The following RIMS2 variants were observed in gnomAD, a reference collection of about 807,000 sequenced individuals.
RIMS2 encodes the protein regulating synaptic membrane exocytosis 2.
Under a neutral mutation model 174.4 loss-of-function variants are expected in RIMS2, and 59 were observed. The ratio of observed to expected loss-of-function variants is 0.34; its 90% confidence interval spans 0.27 to 0.42. The LOEUF (loss-of-function observed/expected upper bound fraction) is 0.42. Ranked by LOEUF, RIMS2 falls within the 10% of genes least tolerant of loss-of-function variation. The pLI is 1.00. For missense variants in RIMS2, 1,620 were observed against 1,666.3 expected (o/e 0.97, Z 0.48); for synonymous variants, 606 against 572.5 (o/e 1.06, Z -0.84).
intron 19 of RIMS2, among the ~76,000 whole-genome samples, chr8:104,192,387 TAAC>T (rs1361304876): frequency 6.6e-6 from 1 of 152,180 alleles, no homozygotes; most frequent in Non-Finnish European, 1.5e-5. Flanking sequence ...AAAAAAAGCA[TAAC>T]AATCATATTT....
intron 1 of RIMS2, among the ~76,000 whole-genome samples, chr8:103,601,267 G>A (rs1403775539): frequency 6.6e-6 from 1 of 152,032 alleles, no homozygotes; most frequent in Admixed American, 6.6e-5. Flanking sequence ...ATGGTGCATT[G>A]TTGAAGTCTC....
chr8:103,674,558 T>C (rs905514848), intron 1 of RIMS2, among the ~76,000 whole-genome samples: 1 of 152,106 alleles, frequency 6.6e-6, no homozygotes, highest in African/African-American at 2.4e-5. Flanking sequence ...ATGGGCAGAA[T>C]TGATTTTCTC....
chr8:104,103,586 A>C (rs1281353075), intron 19 of RIMS2, among the ~76,000 whole-genome samples: 2 of 151,850 alleles, frequency 1.3e-5, no homozygotes, highest in Non-Finnish European at 2.9e-5. Context: ...TAAAATATTC[A>C]TCTTTTTTCT....
intron 1 of RIMS2, among the ~76,000 whole-genome samples, chr8:103,527,425 T>A (rs929246850): frequency 4.6e-5 from 7 of 152,200 alleles, no homozygotes; most frequent in African/African-American, 1.7e-4. Context: ...GAGTTCAAGG[T>A]ACATGTGCAT....
At chr8:103,651,858 A>G (rs2096458592) in intron 1 of RIMS2, among the ~76,000 whole-genome samples, 1 of 152,140 alleles carries the variant, frequency 6.6e-6, no homozygotes, top group Admixed American at 6.5e-5. Context: ...TAAAAAAAGG[A>G]AATCTATTTG....
At chr8:103,661,306 T>G (rs949093101) in intron 1 of RIMS2, among the ~76,000 whole-genome samples, 2 of 152,232 alleles carry the variant, frequency 1.3e-5, no homozygotes, top group Admixed American at 1.3e-4. Context: ...TGTTTCTAAT[T>G]TTTGCCTATT....
rs191912025 is a variant in RIMS2 at position 103,953,794 on chromosome 8, A to C, written c.2702-7271A>C. ...AAACAGGCTAAATGCCCCAGTTAAA[A>C]GACACAGACTGGCAAATTGGATAAA... On this transcript the variant is annotated intron_variant, in intron 14 of 23. Coordinates refer to ENST00000504942, the Ensembl canonical transcript of RIMS2. 9.2e-4 allele frequency among the ~76,000 whole-genome samples: 140 copies of C among 152,302 alleles called. 1 individual carries two copies. Among genetic ancestry groups the C allele is most frequent in the African/African-American group, 3.0e-3 (124 of 41,564 alleles).
chr8:103,910,015 G>T, intron 4 of RIMS2: 1 of 589,636 alleles, frequency 1.7e-6, no homozygotes, highest in Non-Finnish European at 3.1e-6. Flanking sequence ...TATAGTGAGT[G>T]CTACAGACAA....
intron 19 of RIMS2, among the ~76,000 whole-genome samples, chr8:104,170,045 A>G (rs187829998): frequency 6.6e-5 from 10 of 152,090 alleles, no homozygotes; most frequent in South Asian, 2.1e-4. Context: ...TATGATTTCA[A>G]TTTTCATAAA....
chr8:104,150,437 T>C (rs2098679969), intron 19 of RIMS2, among the ~76,000 whole-genome samples: 1 of 152,178 alleles, frequency 6.6e-6, no homozygotes. Flanking sequence ...TTCAAGGTCA[T>C]ACGCCAGTGG....
At chr8:103,951,851 G>C (rs2085461837) in intron 14 of RIMS2, among the ~76,000 whole-genome samples, 1 of 152,206 alleles carries the variant, frequency 6.6e-6, no homozygotes, top group African/African-American at 2.4e-5. Flanking sequence ...AAGATACACT[G>C]TCTTGAAATT....
In RIMS2 at chr8:103,810,672, G is replaced by A. The variant is rs970465614; in HGVS notation, c.698+44135G>A. ...ATACTAAAAAGGTTACTTTACTCAAGCAAATTAACATATCCTAATGTTCTT... is the reference window on the plus strand; with the variant it reads ...ATACTAAAAAGGTTACTTTACTCAAACAAATTAACATATCCTAATGTTCTT... On this transcript the variant is annotated intron_variant, in intron 3 of 23. Transcript: ENST00000504942. Among the ~76,000 whole-genome samples, 7 of 152,074 alleles carry A rather than the reference G, an allele frequency of 4.6e-5. No individual in the cohort carries two copies. In the East Asian group the frequency reaches 5.8e-4, roughly 13 times the overall value.
downstream of RIMS2, chr8:104,255,891 T>C (rs1255123326): frequency 6.6e-6 from 1 of 152,212 alleles, no homozygotes; most frequent in South Asian, 2.1e-4. Flanking sequence ...GCCACACACA[T>C]CTTCCATATG....
intron 1 of RIMS2, among the ~76,000 whole-genome samples, chr8:103,540,690 C>T: frequency 6.6e-6 from 1 of 152,062 alleles, no homozygotes; most frequent in East Asian, 1.9e-4. Flanking sequence ...ATAAGCCTGC[C>T]TGAGAAAGAA....
chr8:103,925,289 C>A (rs1010085678), intron 10 of RIMS2, among the ~76,000 whole-genome samples: 1 of 151,420 alleles, frequency 6.6e-6, no homozygotes, highest in African/African-American at 2.4e-5. Flanking sequence ...TTAAAAATAT[C>A]TTTTGACTCC....
intron 3 of RIMS2, among the ~76,000 whole-genome samples, chr8:103,789,749 CTT>C (rs11354049): frequency 0.054 from 4,593 of 85,332 alleles, 162 homozygotes; most frequent in African/African-American, 0.18. Context: ...GGATTGTACT[CTT>C]TTTTTTTTTT....
chr8:104,097,671 TA>T (rs2130758141), intron 19 of RIMS2, among the ~76,000 whole-genome samples: 1 of 152,212 alleles, frequency 6.6e-6, no homozygotes, highest in East Asian at 1.9e-4. Flanking sequence ...TGTTTTGATT[TA>T]AAGGTTACTG....
intron 17 of RIMS2, among the ~76,000 whole-genome samples, chr8:103,990,786 A>T (rs1422704408): frequency 6.6e-6 from 1 of 152,050 alleles, no homozygotes; most frequent in Non-Finnish European, 1.5e-5. Flanking sequence ...TCTGAAATGA[A>T]TTTAAACTTT....
At chr8:103,900,959 T>C (rs888883767) in intron 4 of RIMS2, among the ~76,000 whole-genome samples, 5 of 152,146 alleles carry the variant, frequency 3.3e-5, no homozygotes, top group Non-Finnish European at 5.9e-5. Flanking sequence ...TAGTTGCGCA[T>C]CTGTCTTGCC....
Sources: gnomAD v4.1 joint callset for allele counts (sites outside exome capture counted in the v4.1 genomes callset) on GRCh38, gnomAD v4.1.1 for gene constraint, MANE v1.5 for transcripts, NCBI Gene and HGNC (gene_info 2026-07-23, HGNC 2026-07-21) for gene names.